The following KIAA1958 variants were observed in gnomAD, a reference collection of about 807,000 sequenced individuals.
The protein encoded by KIAA1958 is uncharacterized protein KIAA1958.
Under a neutral mutation model 47.2 loss-of-function variants are expected in KIAA1958, and 14 were observed. The observed-to-expected ratio is 0.30, with a 90% CI of 0.20 to 0.46. KIAA1958 has a LOEUF of 0.46. Ranked by LOEUF, KIAA1958 falls within the 20% of genes least tolerant of loss-of-function variation. The pLI, the probability that KIAA1958 is intolerant of heterozygous loss-of-function variation, is 1.00. For synonymous variants in KIAA1958, 354 were observed against 353.3 expected (o/e 1.00, Z -0.02); for missense variants, 803 against 909.2 (o/e 0.88, Z 1.50).
At chr9:112,631,067 T>C (rs1836699701) in intron 2 of KIAA1958, among the ~76,000 whole-genome samples, 1 of 152,250 alleles carries the variant, frequency 6.6e-6, no homozygotes, top group African/African-American at 2.4e-5. Context: ...AAAAGTCTTA[T>C]TTATTTTCAA....
rs767238067 is a variant in KIAA1958, at chr9:112,659,293, G to C, written c.1375G>C (p.Glu459Gln). 6.2e-7 allele frequency: 1 copy of C among 1,613,350 alleles called. No individual in the cohort carries two copies. Among genetic ancestry groups the C allele is most frequent in the Non-Finnish European group, 8.5e-7 (1 of 1,179,694 alleles). Residue 459 changes from glutamate to glutamine, a missense_variant, in exon 4 of 4, where the codon GAG becomes CAG. Glu to Gln is a conservative substitution (Grantham distance 29). Around this residue, in one of 2 missense-constraint regions of KIAA1958, gnomAD observed 761 missense variants for 829.3 expected, o/e 0.92. Transcript: ENST00000337530. ...IPAVKLNELL[E>Q]NFYVTVKKSD... ...TGCAGTGAAGTTGAACGAGCTGCTC[G>C]AGAACTTTTATGTCACCGTCAAGAA...
At chr9:112,577,888 CAA>C (rs1179757818) in intron 2 of KIAA1958, among the ~76,000 whole-genome samples, 1 of 151,938 alleles carries the variant, frequency 6.6e-6, no homozygotes, top group Non-Finnish European at 1.5e-5. Context: ...CTGGCATGGC[CAA>C]AGAGAGCACA....
chr9:112,656,624 G>A (rs1274193338), intron 3 of KIAA1958, among the ~76,000 whole-genome samples: 1 of 151,990 alleles, frequency 6.6e-6, no homozygotes, highest in Non-Finnish European at 1.5e-5. Context: ...TCAGATTTGG[G>A]CTAGAAAAAA....
Position 112,548,758 on chromosome 9 carries a change from G to A in KIAA1958, c.-24-25299G>A, listed in dbSNP as rs553806112. Among the ~76,000 whole-genome samples the A allele has an allele frequency of 3.3e-5, 5 of 152,322 alleles. No individual in the cohort carries two copies. In the South Asian group the frequency reaches 8.3e-4, roughly 25 times the overall value. ...ATCTTGTTTTTCCAAATATTTCTCA[G>A]CATTGCTATGGGCTGAATATAATCA... On this transcript the variant is annotated intron_variant, in intron 1 of 3. Coordinates refer to ENST00000337530, the MANE Select transcript of KIAA1958 (RefSeq NM_133465.4).
chr9:112,538,140 G>A (rs1834886140), intron 1 of KIAA1958, among the ~76,000 whole-genome samples: 1 of 152,016 alleles, frequency 6.6e-6, no homozygotes, highest in Non-Finnish European at 1.5e-5. Flanking sequence ...AGACTAGCCT[G>A]GGCAACATGG....
chr9:112,563,761 T>TACA (rs1304563816), intron 1 of KIAA1958, among the ~76,000 whole-genome samples: 2 of 152,186 alleles, frequency 1.3e-5, no homozygotes, highest in African/African-American at 2.4e-5. Context: ...GGACCTCTAG[T>TACA]ACAATGTTGA....
At chr9:112,634,318 T>G (rs1362491737) in intron 2 of KIAA1958, among the ~76,000 whole-genome samples, 1 of 152,158 alleles carries the variant, frequency 6.6e-6, no homozygotes, top group Non-Finnish European at 1.5e-5. Context: ...AACCTCTACT[T>G]CCTGGGTTCA....
intron 1 of KIAA1958, among the ~76,000 whole-genome samples, chr9:112,541,678 G>A (rs896387855): frequency 6.6e-6 from 1 of 151,976 alleles, no homozygotes; most frequent in Non-Finnish European, 1.5e-5. Context: ...ATGGTGGTGG[G>A]TGCCTGTAAT....
At chr9:112,655,644 G>T (rs758060741) in intron 3 of KIAA1958, among the ~76,000 whole-genome samples, 10 of 152,238 alleles carry the variant, frequency 6.6e-5, no homozygotes, top group Non-Finnish European at 1.5e-4. Flanking sequence ...CAAGGCTAGT[G>T]CCTTAAAGAA....
At chr9:112,532,270 G>A (rs552727495) in intron 1 of KIAA1958, among the ~76,000 whole-genome samples, 5 of 152,286 alleles carry the variant, frequency 3.3e-5, no homozygotes, top group Admixed American at 1.3e-4. Flanking sequence ...ATTTGCAAGA[G>A]TAGCACAATG....
intron 3 of KIAA1958, among the ~76,000 whole-genome samples, chr9:112,650,304 C>G (rs1837035768): frequency 6.6e-6 from 1 of 152,076 alleles, no homozygotes; most frequent in African/African-American, 2.4e-5. Context: ...AAACAAGGAT[C>G]TCACAAAGGA....
intron 1 of KIAA1958, among the ~76,000 whole-genome samples, chr9:112,489,846 T>A (rs932420053): frequency 6.6e-6 from 1 of 152,248 alleles, no homozygotes; most frequent in African/African-American, 2.4e-5. Context: ...TGGTTATCAA[T>A]GTAGTATCAT....
intron 3 of KIAA1958, among the ~76,000 whole-genome samples, chr9:112,650,825 TAAAAG>T (rs1465028097): frequency 6.6e-6 from 1 of 152,128 alleles, no homozygotes; most frequent in Non-Finnish European, 1.5e-5. Flanking sequence ...TGAGAAATGT[TAAAAG>T]TAAAGTGATG....
intron 1 of KIAA1958, among the ~76,000 whole-genome samples, chr9:112,528,814 C>T (rs1399507234): frequency 1.3e-5 from 2 of 152,192 alleles, no homozygotes; most frequent in Non-Finnish European, 2.9e-5. Flanking sequence ...CTACCGCACT[C>T]GGCCTGTTTT....
intron 1 of KIAA1958, among the ~76,000 whole-genome samples, chr9:112,552,989 A>G (rs1835181286): frequency 6.6e-6 from 1 of 151,990 alleles, no homozygotes; most frequent in Non-Finnish European, 1.5e-5. Context: ...CACTTGAGAG[A>G]TGGCATTGGT....
At chr9:112,589,274 G>A (rs918119147) in intron 2 of KIAA1958, among the ~76,000 whole-genome samples, 1 of 152,080 alleles carries the variant, frequency 6.6e-6, no homozygotes, top group African/African-American at 2.4e-5. Context: ...TTCTTCTGAT[G>A]CCTTGTCTAC....
intron 1 of KIAA1958, among the ~76,000 whole-genome samples, chr9:112,505,130 A>T (rs949197887): frequency 6.6e-6 from 1 of 152,158 alleles, no homozygotes; most frequent in African/African-American, 2.4e-5. Flanking sequence ...ATGTATAAGA[A>T]TATGTGATAC....
chr9:112,519,532 C>A (rs947579448), intron 1 of KIAA1958, among the ~76,000 whole-genome samples: 1 of 152,116 alleles, frequency 6.6e-6, no homozygotes, highest in Non-Finnish European at 1.5e-5. Flanking sequence ...TTTAGGAATT[C>A]GTTGTTTTGA....
intron 1 of KIAA1958, 58 bp from the exon 2 acceptor site, chr9:112,573,999 T>G: frequency 3.8e-5 from 34 of 888,558 alleles, no homozygotes; most frequent in Non-Finnish European, 5.6e-5. Context: ...CTGAAGTAAT[T>G]GAGCTATAGG....
Sources: allele counts gnomAD v4.1 joint callset (sites outside exome capture counted in the v4.1 genomes callset), GRCh38; gene constraint gnomAD v4.1.1; regional missense constraint gnomAD v4.1.1; transcripts MANE v1.5; gene names NCBI Gene and HGNC (gene_info 2026-07-23, HGNC 2026-07-21).